Variants in FLT1 observed in about 807,000 individuals in gnomAD.
FLT1 encodes the protein vascular endothelial growth factor receptor 1.
FLT1 carries 49 observed loss-of-function variants against 156.3 expected under a neutral mutation model. The ratio of observed to expected loss-of-function variants is 0.31; its 90% confidence interval spans 0.25 to 0.40. The LOEUF is 0.40. Ranked by LOEUF, FLT1 falls within the 10% of genes least tolerant of loss-of-function variation. The pLI is 1.00. For synonymous variants in FLT1, 594 were observed against 583.8 expected (o/e 1.02, Z -0.25); for missense variants, 1,322 against 1,637.2 (o/e 0.81, Z 3.32).
At chr13:28,304,211 C>A (rs1870639727) in intron 29 of FLT1, among the ~76,000 whole-genome samples, 1 of 152,162 alleles carries the variant, frequency 6.6e-6, no homozygotes, top group Non-Finnish European at 1.5e-5. Context: ...AAATTAGTCA[C>A]CACCCATTTT....
chr13:28,385,303 T>C (rs925077516), intron 13 of FLT1, among the ~76,000 whole-genome samples: 2 of 152,238 alleles, frequency 1.3e-5, no homozygotes, highest in Non-Finnish European at 2.9e-5. Context: ...GCTAGCTAGT[T>C]TCCTTCCTTT....
rs1002975169 is a variant in FLT1 at position 28,322,516 on chromosome 13, T to C, written c.2954-157A>G. ...TGAGTTTCAACATGAACACCAGAGA[T>C]TTTTCCAGGCCTCCAGCCCACTTTA... On this transcript the variant is annotated intron_variant, in intron 21 of 29. Coordinates refer to ENST00000282397, the MANE Select transcript of FLT1 (RefSeq NM_002019.4). This position sits in a 1 kb window ranked among gnomAD's most constrained non-coding sequence, Gnocchi z 4.3. The C allele has an allele frequency of 4.1e-6, 3 of 727,986 alleles. No individual in the cohort carries two copies. Among genetic ancestry groups the C allele is most frequent in the South Asian group, 1.5e-5 (1 of 67,488 alleles). The allele number at this position is 727,986 out of a possible 1,614,324, so 45.1% of individuals were successfully genotyped here.
At chr13:28,436,992 CTT>C (rs993300840) in intron 4 of FLT1, among the ~76,000 whole-genome samples, 11 of 152,160 alleles carry the variant, frequency 7.2e-5, no homozygotes, top group Non-Finnish European at 1.5e-5. Flanking sequence ...CTTAACCACA[CTT>C]GTCTTCCTCC....
intron 12 of FLT1, 40 bp downstream of exon 12, chr13:28,396,920 A>G: frequency 8.8e-7 from 1 of 1,130,842 alleles, no homozygotes; most frequent in Non-Finnish European, 1.4e-6. Flanking sequence ...GAGAGAATGA[A>G]GTCACCAGGC....
chr13:28,321,246 G>A (rs74920029), intron 23 of FLT1, among the ~76,000 whole-genome samples: 1,577 of 152,306 alleles, frequency 0.01, 33 homozygotes, highest in African/African-American at 0.036. Flanking sequence ...ACAGGTGGGA[G>A]GCCAGGCATT....
intron 15 of FLT1, among the ~76,000 whole-genome samples, chr13:28,356,294 C>T (rs1261545657): frequency 6.6e-6 from 1 of 152,134 alleles, no homozygotes; most frequent in African/African-American, 2.4e-5. Flanking sequence ...GTTCCCTGGC[C>T]CGGCACGGCC....
intron 23 of FLT1, among the ~76,000 whole-genome samples, chr13:28,320,865 G>A (rs1871424735): frequency 1.3e-5 from 2 of 152,092 alleles, no homozygotes; most frequent in Non-Finnish European, 2.9e-5. Context: ...GGGTATATAG[G>A]CTGAGGGTTA....
intron 14 of FLT1, among the ~76,000 whole-genome samples, chr13:28,382,597 T>C (rs762099821): frequency 6.6e-6 from 1 of 152,120 alleles, no homozygotes; most frequent in African/African-American, 2.4e-5. Context: ...GGAGACAAGT[T>C]TGGAGACCAC....
chr13:28,309,884 C>CTTTTTTTTTTTTTT (rs60568918), intron 27 of FLT1, among the ~76,000 whole-genome samples: 1 of 90,874 alleles, frequency 1.1e-5, no homozygotes, highest in Non-Finnish European at 2.0e-5. Context: ...TTCTTTTTTC[C>CTTTTTTTTTTTTTT]TTTTTTTTTT....
intron 12 of FLT1, among the ~76,000 whole-genome samples, chr13:28,396,314 GC>G (rs1382430798): frequency 5.3e-5 from 8 of 152,218 alleles, no homozygotes; most frequent in Non-Finnish European, 1.2e-4. Context: ...GGAGTGTGGA[GC>G]CAGGCAATTG....
intron 14 of FLT1, among the ~76,000 whole-genome samples, chr13:28,378,419 A>G (rs892420194): frequency 9.2e-5 from 14 of 152,192 alleles, no homozygotes; most frequent in African/African-American, 3.4e-4. Context: ...GGTGCCCACT[A>G]TATCATTTAA....
chr13:28,470,354 G>A (rs567229934), intron 1 of FLT1, among the ~76,000 whole-genome samples: 47 of 152,344 alleles, frequency 3.1e-4, no homozygotes, highest in African/African-American at 1.1e-3. Flanking sequence ...TTCCATGCCA[G>A]AATAGTTTCT....
At chr13:28,303,610 TATG>T (rs1163430437) in intron 29 of FLT1, among the ~76,000 whole-genome samples, 2 of 151,738 alleles carry the variant, frequency 1.3e-5, no homozygotes, top group Non-Finnish European at 2.9e-5. Flanking sequence ...GTATGAAATG[TATG>T]ATAAGATAAC....
In FLT1 at chr13:28,322,397, C is replaced by G. The variant is rs372766177; in HGVS notation, c.2954-38G>C. On this transcript the variant is annotated intron_variant, in intron 21 of 29. Coordinates refer to ENST00000282397, the MANE Select transcript of FLT1 (RefSeq NM_002019.4). The surrounding 1 kb of genome is among the most constrained non-coding windows in gnomAD (Gnocchi z 4.3). ...AGAACCGTAACTGTTTGTAATGGCT[C>G]TTGTTATCCCACCAAATCCCAGTTT... 1.5e-5 allele frequency: 19 copies of G among 1,289,334 alleles called. No individual in the cohort carries two copies. Among genetic ancestry groups the G allele is most frequent in the Non-Finnish European group, 2.1e-5 (19 of 884,334 alleles). 79.9% of individuals were successfully genotyped at this position (1,289,334 alleles called of 1,614,324 possible). A position where few individuals can be genotyped will look rare whatever the true frequency, so the allele number is the denominator to read the frequency against.
In FLT1 at chr13:28,383,456, G is replaced by A. The variant is rs188003414; in HGVS notation, c.2116+1429C>T. ...AGGCAGGCGGATCACAAGGTCAGGAGATCAAGACCATCCTGGCCAACATGA... is the reference window on the plus strand; with the variant it reads ...AGGCAGGCGGATCACAAGGTCAGGAAATCAAGACCATCCTGGCCAACATGA... On this transcript the variant is annotated intron_variant, in intron 14 of 29. Coordinates refer to ENST00000282397, the MANE Select transcript of FLT1 (RefSeq NM_002019.4). 2.8e-4 allele frequency among the ~76,000 whole-genome samples: 42 copies of A among 152,194 alleles called. No individual in the cohort carries two copies. The East Asian group carries it at 7.5e-3, about 27-fold the overall frequency.
chr13:28,337,910 A>T (rs145274837), intron 17 of FLT1, among the ~76,000 whole-genome samples: 170 of 152,286 alleles, frequency 1.1e-3, no homozygotes, highest in Middle Eastern at 6.8e-3. Flanking sequence ...ATTATCCCAT[A>T]TTTCCTGCCA....
intron 11 of FLT1, among the ~76,000 whole-genome samples, chr13:28,398,788 T>C (rs1233431675): frequency 1.3e-5 from 2 of 152,218 alleles, no homozygotes; most frequent in Admixed American, 1.3e-4. Flanking sequence ...CAGAGATGAA[T>C]ATGACACAAT....
At chr13:28,351,975 C>T (rs1355773369) in intron 15 of FLT1, among the ~76,000 whole-genome samples, 2 of 152,186 alleles carry the variant, frequency 1.3e-5, no homozygotes, top group African/African-American at 4.8e-5. Context: ...ATTGGTATAC[C>T]ATCATTAGCA....
intron 13 of FLT1, chr13:28,388,334 G>A (rs1194732271): frequency 2.8e-6 from 3 of 1,057,874 alleles, no homozygotes; most frequent in African/African-American, 3.3e-5. Flanking sequence ...GACAGAATCT[G>A]TTACCTAAAG....
Sources: allele counts gnomAD v4.1 joint callset (sites outside exome capture counted in the v4.1 genomes callset), GRCh38; gene constraint gnomAD v4.1.1; non-coding constraint Gnocchi (gnomAD v3.1); transcripts MANE v1.5; gene names NCBI Gene and HGNC (gene_info 2026-07-23, HGNC 2026-07-21).